KIF16B: variants seen among roughly 807,000 people sequenced by gnomAD.
The protein encoded by KIF16B is kinesin-like protein KIF16B.
KIF16B carries 98 observed loss-of-function variants against 156.3 expected under a neutral mutation model. The ratio of observed to expected loss-of-function variants is 0.63; its 90% CI spans 0.53 to 0.74. The LOEUF (loss-of-function observed/expected upper bound fraction) is 0.74, where lower values mean the gene tolerates loss of function less well. Ranked by LOEUF, KIF16B falls within the 30% of genes least tolerant of loss-of-function variation. The probability of loss-of-function intolerance (pLI) is 0.00; values close to 1 mark genes in which losing one functional copy is unlikely to be tolerated. For synonymous variants in KIF16B, 564 were observed against 583.7 expected, an observed-to-expected ratio of 0.97 and a Z score of 0.49; for missense variants, 1,421 against 1,606.5, an observed-to-expected ratio of 0.88 and a Z score of 1.97.
At chr20:16,339,600 C>G (rs765413169) in intron 23 of KIF16B, among the ~76,000 whole-genome samples, 3 of 152,142 alleles carry the variant, frequency 2.0e-5, no homozygotes, top group African/African-American at 7.2e-5. Context: ...GCATCTCACA[C>G]TTATCATGGC....
In KIF16B at chr20:16,272,933, C is replaced by T. The variant is rs548358854; in HGVS notation, c.*320G>A. Reference sequence around the variant, plus strand: ...AGGCTGGCTGGGCTCAGGGAACCCACGATGGCCCAACCACATCTATCTTGC... The same window carrying T: ...AGGCTGGCTGGGCTCAGGGAACCCATGATGGCCCAACCACATCTATCTTGC... On this transcript the variant is annotated 3_prime_UTR_variant, in exon 26 of 26. Transcript: ENST00000354981. 4.2e-4 allele frequency: 91 copies of T among 214,222 alleles called. No homozygotes were observed. The highest frequency in any genetic ancestry group is 2.0e-3 in the African/African-American group (86 of 43,908). 13.3% of individuals were successfully genotyped at this position (214,222 alleles called of 1,614,324 possible).
intron 1 of KIF16B, among the ~76,000 whole-genome samples, chr20:16,552,249 C>G (rs1019108579): frequency 6.6e-6 from 1 of 152,178 alleles, no homozygotes; most frequent in Non-Finnish European, 1.5e-5. Flanking sequence ...ACAAGGAAGC[C>G]TTTAGCTTCC....
intron 24 of KIF16B, among the ~76,000 whole-genome samples, chr20:16,332,134 C>G (rs1355939757): frequency 6.6e-6 from 1 of 151,916 alleles, no homozygotes; most frequent in East Asian, 1.9e-4. Flanking sequence ...TCTTTTTTCC[C>G]ATTTTTATAT....
At chr20:16,547,377 T>C (rs955388954) in intron 1 of KIF16B, among the ~76,000 whole-genome samples, 2 of 152,152 alleles carry the variant, frequency 1.3e-5, no homozygotes, top group African/African-American at 4.8e-5. Context: ...TGACAGCAAA[T>C]GGCTAGTGCT....
rs564191324 is a variant in KIF16B, at chr20:16,418,634, T to C, written c.1612+8470A>G. Among the ~76,000 whole-genome samples, 20 of 152,272 alleles carry C rather than the reference T, an allele frequency of 1.3e-4. No individual in the cohort carries two copies. In the East Asian group the frequency reaches 3.9e-3, roughly 29 times the overall value. On this transcript the variant is annotated intron_variant, in intron 15 of 25. Coordinates refer to ENST00000354981, the MANE Select transcript of KIF16B (RefSeq NM_024704.5). ...GCCAATCTACAGGGTGCACAGTGAA[T>C]GTTTCCATGTCCTCTGCTTCAACTC...
At chr20:16,281,577 G>A (rs2063146669) in intron 25 of KIF16B, among the ~76,000 whole-genome samples, 1 of 152,098 alleles carries the variant, frequency 6.6e-6, no homozygotes, top group African/African-American at 2.4e-5. Flanking sequence ...GGCTTTTTAG[G>A]AATCCTAAAG....
chr20:16,529,573 A>G (rs1747063243), intron 1 of KIF16B, among the ~76,000 whole-genome samples: 1 of 152,248 alleles, frequency 6.6e-6, no homozygotes, highest in South Asian at 2.1e-4. Context: ...ACATTACAAG[A>G]GTAATGATGT....
intron 18 of KIF16B, 88 bp from the exon 19 acceptor site, chr20:16,380,251 C>T (rs748882281): frequency 5.3e-5 from 64 of 1,205,320 alleles, no homozygotes; most frequent in Non-Finnish European, 6.8e-5. Flanking sequence ...AATGCACATA[C>T]AACCAGGTCA....
At chr20:16,420,520 G>C (rs956889319) in intron 15 of KIF16B, among the ~76,000 whole-genome samples, 2 of 152,122 alleles carry the variant, frequency 1.3e-5, no homozygotes, top group African/African-American at 4.8e-5. Context: ...AAACTGGAAA[G>C]GGGTGGTGGA....
intron 1 of KIF16B, among the ~76,000 whole-genome samples, chr20:16,566,744 T>C (rs2071270210): frequency 6.6e-6 from 1 of 152,272 alleles, no homozygotes; most frequent in South Asian, 2.1e-4. Flanking sequence ...AAGAGAATTT[T>C]CCAGGATGGT....
chr20:16,480,058 C>T (rs2067935926), intron 12 of KIF16B, among the ~76,000 whole-genome samples: 2 of 152,128 alleles, frequency 1.3e-5, no homozygotes, highest in South Asian at 4.1e-4. Context: ...TTTTCTTCAC[C>T]TGGTTGCTGG....
intron 15 of KIF16B, among the ~76,000 whole-genome samples, chr20:16,410,346 T>C (rs1186788496): frequency 1.3e-5 from 2 of 149,558 alleles, no homozygotes; most frequent in Non-Finnish European, 3.0e-5. Context: ...TGTGTGTGTA[T>C]ATATATATAG....
At chr20:16,566,126 A>C (rs1007106279) in intron 1 of KIF16B, among the ~76,000 whole-genome samples, 5 of 152,368 alleles carry the variant, frequency 3.3e-5, no homozygotes, top group Admixed American at 2.0e-4. Context: ...TATTTTCATA[A>C]TCAGAAAATA....
chr20:16,381,831 T>A, intron 17 of KIF16B, 84 bp from the exon 18 acceptor site: 1 of 1,105,118 alleles, frequency 9.0e-7, no homozygotes, highest in Non-Finnish European at 1.3e-6. Context: ...AGTCACATAT[T>A]AAAAAGGGCA....
intron 24 of KIF16B, among the ~76,000 whole-genome samples, chr20:16,322,736 A>C (rs557188459): frequency 7.4e-4 from 113 of 152,142 alleles, no homozygotes; most frequent in Non-Finnish European, 2.1e-4. Flanking sequence ...ACATTATAAT[A>C]AGATAGGTCA....
At chr20:16,469,561 T>TAA (rs368181137) in intron 12 of KIF16B, among the ~76,000 whole-genome samples, 45 of 110,294 alleles carry the variant, frequency 4.1e-4, no homozygotes, top group African/African-American at 1.5e-3. Flanking sequence ...CCACCTTAAC[T>TAA]AAAAAAAAAA....
chr20:16,360,723 C>G (rs1018655638), intron 22 of KIF16B, among the ~76,000 whole-genome samples: 1 of 152,080 alleles, frequency 6.6e-6, no homozygotes, highest in Non-Finnish European at 1.5e-5. Flanking sequence ...TCAACAAATA[C>G]GCTATTTTTC....
chr20:16,281,477 C>T (rs1022922879), intron 25 of KIF16B, among the ~76,000 whole-genome samples: 7 of 152,276 alleles, frequency 4.6e-5, no homozygotes, highest in East Asian at 1.9e-4. Flanking sequence ...CTATGTATCA[C>T]GCATCGACCC....
intron 12 of KIF16B, among the ~76,000 whole-genome samples, chr20:16,433,055 A>G (rs1429893608): frequency 6.6e-6 from 1 of 152,190 alleles, no homozygotes; most frequent in African/African-American, 2.4e-5. Context: ...TACCTCTCGG[A>G]TATTAGCAGA....
Sources: gnomAD v4.1 joint callset for allele counts (sites outside exome capture counted in the v4.1 genomes callset) on GRCh38, gnomAD v4.1.1 for gene constraint, MANE v1.5 for transcripts, NCBI Gene and HGNC (gene_info 2026-07-23, HGNC 2026-07-21) for gene names.